GOT1: variants seen among roughly 807,000 people sequenced by gnomAD.
GOT1 encodes the protein glutamic-oxaloacetic transaminase 1.
A neutral mutation model predicts 48.2 loss-of-function variants in GOT1; 25 were observed. The ratio of observed to expected loss-of-function variants is 0.52; its 90% CI spans 0.38 to 0.72. The LOEUF (loss-of-function observed/expected upper bound fraction) is 0.72. Among genes scored for constraint, GOT1 ranks in the 30% least tolerant of loss-of-function variants. The pLI is 0.00. For synonymous variants in GOT1, 188 were observed against 193.8 expected, an observed-to-expected ratio of 0.97 and a Z score of 0.25; for missense variants, 380 against 520.1, an observed-to-expected ratio of 0.73 and a Z score of 2.62.
intron 5 of GOT1, among the ~76,000 whole-genome samples, chr10:99,405,145 G>C (rs10786543): frequency 1 from 152,326 of 152,334 alleles, 76,159 homozygotes; most frequent in Middle Eastern, 1. Flanking sequence ...CCATTCAATA[G>C]TGTATTCCCA....
chr10:99,426,811 T>C (rs796492784), intron 1 of GOT1, among the ~76,000 whole-genome samples: 9 of 152,332 alleles, frequency 5.9e-5, no homozygotes, highest in African/African-American at 2.2e-4. Flanking sequence ...AAGTAGGAAC[T>C]GTCTGAGATT....
intron 2 of GOT1, among the ~76,000 whole-genome samples, chr10:99,407,432 A>ATTTTTTTT (rs397943359): frequency 7.1e-6 from 1 of 140,390 alleles, no homozygotes. Flanking sequence ...GCTTCCTCTC[A>ATTTTTTTT]TTTTTTTTTT....
intron 6 of GOT1, 26 bp downstream of exon 6, chr10:99,403,698 C>A (rs1472374594): frequency 6.2e-7 from 1 of 1,614,042 alleles, no homozygotes; most frequent in South Asian, 1.1e-5. Flanking sequence ...GGAGGTGGGG[C>A]TGTAACTCCT....
At chr10:99,400,411 C>T (rs1187453894) in intron 8 of GOT1, among the ~76,000 whole-genome samples, 2 of 151,924 alleles carry the variant, frequency 1.3e-5, no homozygotes, top group African/African-American at 2.4e-5. Flanking sequence ...CTTGGGAGAC[C>T]GAGGCGGGCA....
chr10:99,398,249 T>G (rs1475394488), intron 8 of GOT1, among the ~76,000 whole-genome samples: 1 of 152,224 alleles, frequency 6.6e-6, no homozygotes, highest in Non-Finnish European at 1.5e-5. Flanking sequence ...CAGCTTTCTC[T>G]CAGATGCAGT....
chr10:99,424,902 A>G (rs1170844380), intron 1 of GOT1, among the ~76,000 whole-genome samples: 1 of 152,198 alleles, frequency 6.6e-6, no homozygotes, highest in African/African-American at 2.4e-5. Context: ...ATTAACAACA[A>G]CCACTATTCC....
intron 2 of GOT1, among the ~76,000 whole-genome samples, chr10:99,419,944 A>G (rs2032945548): frequency 6.6e-6 from 1 of 152,244 alleles, no homozygotes; most frequent in South Asian, 2.1e-4. Flanking sequence ...TTCTTCCTCC[A>G]TGTATCTCCA....
Position 99,419,687 on chromosome 10 carries a change from C to T in GOT1, c.300+937G>A, listed in dbSNP as rs146632928. 7.9e-5 allele frequency among the ~76,000 whole-genome samples: 12 copies of T among 152,238 alleles called. No individual in the cohort carries two copies. The East Asian group carries it at 2.3e-3, about 29-fold the overall frequency. On this transcript the variant is annotated intron_variant, in intron 2 of 8. Coordinates refer to ENST00000370508, the MANE Select transcript of GOT1 (RefSeq NM_002079.3). ...TGGTGCCTCCAAGATTCTGATTTACCTGGCCTGGCATGGGGTCCACAGGGC... is the reference window on the plus strand; with the variant it reads ...TGGTGCCTCCAAGATTCTGATTTACTTGGCCTGGCATGGGGTCCACAGGGC...
At chr10:99,423,544 A>G (rs952378167) in intron 1 of GOT1, among the ~76,000 whole-genome samples, 4 of 152,246 alleles carry the variant, frequency 2.6e-5, no homozygotes, top group Non-Finnish European at 5.9e-5. Context: ...GGACAGGGCT[A>G]CAGACTGACA....
In GOT1 at chr10:99,406,124, C is replaced by T; in HGVS notation, c.537+13G>A. 6.5e-7 allele frequency: 1 copy of T among 1,543,226 alleles called. No homozygotes were observed. Among genetic ancestry groups the T allele is most frequent in the Non-Finnish European group, 9.0e-7 (1 of 1,115,982 alleles). On this transcript the variant is annotated intron_variant, in intron 4 of 8. Transcript: ENST00000370508. ...ACCATGCAATTCTCTACTTTTTCCT[C>T]TAAATCACCCACCTCCAGATCATTC...
rs773094249 is a variant in GOT1 at position 99,405,761 on chromosome 10, T to C, written c.637A>G (p.Met213Val). ...PEQWKQIASV[M>V]KHRFLFPFFD... ...TGCTCTGAAGGGGCAGTTACCTTCA[T>C]GACAGAAGCAATCTGCTTCCACTGC... is the stretch of plus-strand genomic sequence containing the variant. Residue 213 changes from methionine to valine, a missense_variant, in exon 5 of 9, where the codon ATG becomes GTG. By Grantham distance (21) the Met-to-Val change is conservative. Coordinates refer to ENST00000370508, the MANE Select transcript of GOT1 (RefSeq NM_002079.3). 2 of 1,532,946 alleles carry C rather than the reference T, an allele frequency of 1.3e-6. No homozygotes were observed. The highest frequency in any genetic ancestry group is 1.4e-5 in the African/African-American group (1 of 73,428). 95.0% of individuals were successfully genotyped at this position (1,532,946 alleles called of 1,614,324 possible). A position where few individuals can be genotyped will look rare whatever the true frequency, so the allele number is the denominator to read the frequency against.
chr10:99,410,632 C>G (rs748351359), intron 2 of GOT1, among the ~76,000 whole-genome samples: 1 of 152,210 alleles, frequency 6.6e-6, no homozygotes, highest in Non-Finnish European at 1.5e-5. Flanking sequence ...CTATTAAATA[C>G]TGGATGGCTT....
intron 8 of GOT1, among the ~76,000 whole-genome samples, chr10:99,400,416 C>T (rs951877538): frequency 2.6e-5 from 4 of 152,176 alleles, no homozygotes; most frequent in South Asian, 4.1e-4. Flanking sequence ...GAGACCGAGG[C>T]GGGCAGATCA....
At chr10:99,415,361 C>T (rs889109400) in intron 2 of GOT1, among the ~76,000 whole-genome samples, 1 of 152,078 alleles carries the variant, frequency 6.6e-6, no homozygotes, top group Non-Finnish European at 1.5e-5. Flanking sequence ...ATAAATTCCT[C>T]GACACATACA....
chr10:99,428,913 C>T (rs2033075262), intron 1 of GOT1, among the ~76,000 whole-genome samples: 1 of 152,178 alleles, frequency 6.6e-6, no homozygotes, highest in South Asian at 2.1e-4. Context: ...TGAAAAATTT[C>T]AAACCTATAC....
At chr10:99,427,520 C>T (rs1190941973) in intron 1 of GOT1, among the ~76,000 whole-genome samples, 2 of 152,190 alleles carry the variant, frequency 1.3e-5, no homozygotes, top group Admixed American at 6.5e-5. Context: ...CCGCCCGCCT[C>T]GGCCTCCCAA....
In GOT1 at chr10:99,403,846, G is replaced by A. The variant is rs377494778; in HGVS notation, c.671C>T (p.Ser224Leu). 2.2e-5 allele frequency: 36 copies of A among 1,613,854 alleles called. No individual in the cohort carries two copies. The highest frequency in any genetic ancestry group is 3.3e-5 in the Admixed American group (2 of 60,008). Reference protein sequence around the residue: ...KHRFLFPFFDSAYQGFASGNL... With the variant: ...KHRFLFPFFDLAYQGFASGNL... ...TCCAGATGCGAAGCCCTGATAGGCT[G>A]AGTCAAAGAAGGGGAACAGAAACCG... is the stretch of plus-strand genomic sequence containing the variant. The change falls in exon 6 of 9, where the codon TCA becomes TTA. Residue 224 changes from serine (S) to leucine (L), a missense_variant. Transcript: ENST00000370508.
rs760867860 is a variant in GOT1 at position 99,430,540 on chromosome 10, T to C, written c.26A>G (p.Glu9Gly). 7.3e-5 allele frequency: 118 copies of C among 1,607,600 alleles called. No homozygotes were observed. Among genetic ancestry groups the C allele is most frequent in the Non-Finnish European group, 9.5e-5 (112 of 1,176,418 alleles). The part of the protein sequence containing the change: MAPPSVFA[E>G]VPQAQPVLVF... ...CAGGACAGGCTGGGCCTGCGGAACC[T>C]CGGCAAAGACTGACGGAGGTGCCAT... Residue 9 changes from glutamate to glycine, a missense_variant, in exon 1 of 9, where the codon GAG becomes GGG. By Grantham distance (98) the Glu-to-Gly change is moderately conservative (BLOSUM62 -2). Transcript: ENST00000370508.
At chr10:99,408,128 C>A (rs2032784628) in intron 2 of GOT1, among the ~76,000 whole-genome samples, 1 of 152,128 alleles carries the variant, frequency 6.6e-6, no homozygotes, top group Admixed American at 6.5e-5. Context: ...TGCCCACATG[C>A]CCTCTAAAGT....
Sources: allele counts gnomAD v4.1 joint callset (sites outside exome capture counted in the v4.1 genomes callset), GRCh38; gene constraint gnomAD v4.1.1; transcripts MANE v1.5; gene names NCBI Gene and HGNC (gene_info 2026-07-23, HGNC 2026-07-21).